Variants in TRERF1 observed in about 807,000 individuals in gnomAD.
TRERF1 encodes transcriptional-regulating factor 1.
A neutral mutation model predicts 122.9 loss-of-function variants in TRERF1; 27 were observed. That is an observed-to-expected ratio of 0.22 (90% CI 0.16 to 0.30). The LOEUF is 0.30. TRERF1 is among the 10% of genes least tolerant of loss of function. TRERF1 has a pLI of 1.00. For missense variants in TRERF1, 1,248 were observed against 1,560.3 expected, an observed-to-expected ratio of 0.80 and a Z score of 3.37; for synonymous variants, 636 against 641.7, an observed-to-expected ratio of 0.99 and a Z score of 0.13.
chr6:42,335,830 T>A (rs188474246), intron 3 of TRERF1, among the ~76,000 whole-genome samples: 1 of 151,642 alleles, frequency 6.6e-6, no homozygotes, highest in African/African-American at 2.4e-5. Flanking sequence ...CTCTACTCCA[T>A]CTTCCTGTTG....
chr6:42,390,413 C>T (rs947727750), intron 2 of TRERF1, among the ~76,000 whole-genome samples: 1 of 152,124 alleles, frequency 6.6e-6, no homozygotes, highest in Non-Finnish European at 1.5e-5. Flanking sequence ...GAGCTTCTAA[C>T]CCAACCATTT....
At chr6:42,326,484 G>C (rs1254102588) in intron 3 of TRERF1, among the ~76,000 whole-genome samples, 4 of 152,202 alleles carry the variant, frequency 2.6e-5, no homozygotes, top group African/African-American at 7.2e-5. Context: ...AACAAAACAT[G>C]AATGACAGAA....
intron 14 of TRERF1, among the ~76,000 whole-genome samples, chr6:42,244,534 C>T (rs55813658): frequency 0.063 from 9,627 of 152,196 alleles, 402 homozygotes; most frequent in Middle Eastern, 0.11. Flanking sequence ...ATATTCCCTC[C>T]CCCACCATCT....
At chr6:42,446,474 T>C (rs1787541906) in intron 2 of TRERF1, among the ~76,000 whole-genome samples, 1 of 152,174 alleles carries the variant, frequency 6.6e-6, no homozygotes, top group Non-Finnish European at 1.5e-5. Context: ...ACTGGACTTG[T>C]GGTTTCATCA....
chr6:42,268,068 G>A lies in TRERF1; in HGVS notation c.1437+86C>T. 1 of 1,346,770 alleles carries A rather than the reference G, an allele frequency of 7.4e-7. No individual in the cohort carries two copies. The highest frequency in any genetic ancestry group is 9.6e-7 in the Non-Finnish European group (1 of 1,037,586). The allele number at this position is 1,346,770 out of a possible 1,614,324, so 83.4% of individuals were successfully genotyped here. A position where few individuals can be genotyped will look rare whatever the true frequency, so the allele number is the denominator to read the frequency against. On this transcript the variant is annotated intron_variant, in intron 5 of 17. Coordinates refer to ENST00000372922, the Ensembl canonical transcript of TRERF1. This position sits in a 1 kb window ranked among gnomAD's most constrained non-coding sequence, Gnocchi z 4.4. ...AGTAAAGAACAAAAGGGTTGAGGGG[G>A]CTTGGAGAGAGGATTGAGCACTGCA...
At chr6:42,375,288 G>C (rs1031839443) in intron 2 of TRERF1, among the ~76,000 whole-genome samples, 2 of 152,160 alleles carry the variant, frequency 1.3e-5, no homozygotes, top group Admixed American at 1.3e-4. Context: ...AAATCCAAGA[G>C]ATCCTGCAGA....
At chr6:42,450,675 C>G (rs1788321351) in intron 2 of TRERF1, among the ~76,000 whole-genome samples, 1 of 152,162 alleles carries the variant, frequency 6.6e-6, no homozygotes, top group African/African-American at 2.4e-5. Flanking sequence ...TTAAGACCAC[C>G]GGCAGTAACT....
At chr6:42,262,612 A>ACAGACAG in intron 8 of TRERF1, among the ~76,000 whole-genome samples, 1 of 116,322 alleles carries the variant, frequency 8.6e-6, no homozygotes, top group African/African-American at 3.4e-5. Flanking sequence ...AGACAGACGG[A>ACAGACAG]AACCCTTCCC....
chr6:42,226,928 T>A (rs35801097), exon 18 of TRERF1: 9,045 of 152,336 alleles, frequency 0.059, 360 homozygotes, highest in Admixed American at 0.11. Flanking sequence ...GGGAGTTGCA[T>A]GAAGCAGGAT....
intron 4 of TRERF1, among the ~76,000 whole-genome samples, chr6:42,281,813 TGCATTGGGC>T (rs1782352145): frequency 6.6e-6 from 1 of 152,208 alleles, no homozygotes; most frequent in Admixed American, 6.5e-5. Flanking sequence ...ATGGCTAACG[TGCATTGGGC>T]GCTAACCCCA....
At chr6:42,243,715 G>C (rs996706178) in intron 14 of TRERF1, among the ~76,000 whole-genome samples, 1 of 151,530 alleles carries the variant, frequency 6.6e-6, no homozygotes, top group Non-Finnish European at 1.5e-5. Flanking sequence ...CGAGTAGCTG[G>C]GACTACAGGC....
intron 16 of TRERF1, among the ~76,000 whole-genome samples, chr6:42,235,445 A>AT (rs2149518360): frequency 6.6e-6 from 1 of 152,336 alleles, no homozygotes; most frequent in Non-Finnish European, 1.5e-5. Flanking sequence ...TTTAAAATAC[A>AT]TATGGAGCCT....
intron 2 of TRERF1, among the ~76,000 whole-genome samples, chr6:42,446,161 G>T (rs1464792255): frequency 6.6e-6 from 1 of 152,192 alleles, no homozygotes; most frequent in Non-Finnish European, 1.5e-5. Flanking sequence ...CTATCCACCC[G>T]CTTCGGCCTC....
At chr6:42,419,936 C>T (rs1043117355) in intron 2 of TRERF1, among the ~76,000 whole-genome samples, 4 of 152,222 alleles carry the variant, frequency 2.6e-5, no homozygotes, top group African/African-American at 9.6e-5. Flanking sequence ...CCCCAACTGC[C>T]AAGCAGAGGT....
At chr6:42,443,072 C>G (rs1786822043) in intron 2 of TRERF1, among the ~76,000 whole-genome samples, 1 of 152,228 alleles carries the variant, frequency 6.6e-6, no homozygotes, top group African/African-American at 2.4e-5. Flanking sequence ...TCCATTTCCT[C>G]TCTCTCTGAT....
intron 4 of TRERF1, among the ~76,000 whole-genome samples, chr6:42,296,113 C>T (rs974573055): frequency 6.6e-6 from 1 of 152,152 alleles, no homozygotes; most frequent in East Asian, 1.9e-4. Flanking sequence ...CCCAGCCCCA[C>T]CACGGCACCA....
At chr6:42,239,786 T>C (rs1265526721) in intron 15 of TRERF1, among the ~76,000 whole-genome samples, 1 of 152,064 alleles carries the variant, frequency 6.6e-6, no homozygotes, top group Non-Finnish European at 1.5e-5. Context: ...AAACTATGCT[T>C]AGAAGGCTGA....
chr6:42,229,822 G>T (rs1770149198), intron 17 of TRERF1, among the ~76,000 whole-genome samples: 1 of 152,206 alleles, frequency 6.6e-6, no homozygotes, highest in African/African-American at 2.4e-5. Flanking sequence ...TAGATGAGAG[G>T]TCTGCAAACT....
At chr6:42,440,642 A>G (rs997113265) in intron 2 of TRERF1, among the ~76,000 whole-genome samples, 2 of 152,114 alleles carry the variant, frequency 1.3e-5, no homozygotes, top group Admixed American at 6.5e-5. Context: ...AAGATATCCA[A>G]TCTCTGACTC....
Sources: allele counts gnomAD v4.1 joint callset (sites outside exome capture counted in the v4.1 genomes callset), GRCh38; gene constraint gnomAD v4.1.1; non-coding constraint Gnocchi (gnomAD v3.1); transcripts MANE v1.5; gene names NCBI Gene and HGNC (gene_info 2026-07-23, HGNC 2026-07-21).